Variants in CSMD1 observed in about 807,000 individuals in gnomAD.
The protein encoded by CSMD1 is CUB and sushi domain-containing protein 1.
CSMD1 carries 213 observed loss-of-function variants against 417.5 expected under a neutral mutation model. The observed-to-expected ratio is 0.51, with a 90% CI of 0.46 to 0.57. CSMD1 has a LOEUF of 0.57. Among genes scored for constraint, CSMD1 ranks in the 20% least tolerant of loss-of-function variants. The pLI is 0.00. For synonymous variants in CSMD1, 2,862 were observed against 1,736.8 expected (o/e 1.65, Z -16.11); for missense variants, 6,923 against 4,529.7 (o/e 1.53, Z -15.17).
At chr8:4,929,966 G>T (rs1339395209) in intron 1 of CSMD1, among the ~76,000 whole-genome samples, 1 of 152,196 alleles carries the variant, frequency 6.6e-6, no homozygotes, top group Non-Finnish European at 1.5e-5. Context: ...GTTTTCTGTT[G>T]TGAGATCAGG....
chr8:4,522,317 G>A (rs900306142), intron 2 of CSMD1, among the ~76,000 whole-genome samples: 2 of 152,142 alleles, frequency 1.3e-5, no homozygotes, highest in Non-Finnish European at 2.9e-5. Context: ...CCAGCCATGT[G>A]GAACTGTGAG....
In CSMD1 at chr8:2,987,802, G is replaced by A. The variant is rs184799955; in HGVS notation, c.8378-9002C>T. ...GGAGACTGGAGTCTCAGGGTCCCTGGGCTCACACCAACCTCCTGCTCTTGA... is the reference window on the plus strand; with the variant it reads ...GGAGACTGGAGTCTCAGGGTCCCTGAGCTCACACCAACCTCCTGCTCTTGA... On this transcript the variant is annotated intron_variant, in intron 54 of 69. Coordinates refer to ENST00000635120, the MANE Select transcript of CSMD1 (RefSeq NM_033225.6). Among the ~76,000 whole-genome samples, 175 of 152,246 alleles carry A rather than the reference G, an allele frequency of 1.1e-3. 1 individual carries two copies. The highest frequency in any genetic ancestry group is 4.1e-3 in the African/African-American group (169 of 41,534).
At chr8:4,695,448 T>C (rs1188370059) in intron 1 of CSMD1, among the ~76,000 whole-genome samples, 3 of 152,230 alleles carry the variant, frequency 2.0e-5, no homozygotes, top group Non-Finnish European at 2.9e-5. Context: ...TTTGTTAAGA[T>C]GTTATGTGGA....
intron 10 of CSMD1, among the ~76,000 whole-genome samples, chr8:3,501,423 G>T (rs1353811820): frequency 6.6e-6 from 1 of 152,164 alleles, no homozygotes; most frequent in Admixed American, 6.6e-5. Context: ...AACTGTGATG[G>T]CAGGCAAATG....
chr8:4,251,641 C>T (rs6984808), intron 3 of CSMD1, among the ~76,000 whole-genome samples: 58,080 of 151,974 alleles, frequency 0.38, 11,829 homozygotes, highest in Non-Finnish European at 0.46. Context: ...GCAGCTGAAT[C>T]ATGACACTTT....
chr8:3,649,764 A>G (rs1027549798), intron 7 of CSMD1, among the ~76,000 whole-genome samples: 3 of 152,164 alleles, frequency 2.0e-5, no homozygotes, highest in African/African-American at 7.2e-5. Context: ...AACATCATCC[A>G]TAATATTAAA....
Position 3,325,785 on chromosome 8 carries a change from C to G in CSMD1, c.3632-17282G>C, listed in dbSNP as rs370795831. Among the ~76,000 whole-genome samples, 84 of 152,298 alleles carry G rather than the reference C, an allele frequency of 5.5e-4. No individual in the cohort carries two copies. The South Asian group carries it at 0.011, about 19-fold the overall frequency. ...GTTGCAGTGAGCCGAGACTGTACCA[C>G]TGCACTCCAGCCTGGGCGACAGAGT... is the stretch of plus-strand genomic sequence containing the variant. On this transcript the variant is annotated intron_variant, in intron 23 of 69. Coordinates refer to ENST00000635120, the MANE Select transcript of CSMD1 (RefSeq NM_033225.6).
chr8:4,030,245 C>A (rs929220832), intron 4 of CSMD1, among the ~76,000 whole-genome samples: 5 of 152,180 alleles, frequency 3.3e-5, no homozygotes, highest in Non-Finnish European at 7.3e-5. Flanking sequence ...AGCTCTGACC[C>A]CACATTTCCC....
chr8:2,950,431 G>C, intron 66 of CSMD1, 88 bp from the exon 67 acceptor site: 1 of 771,212 alleles, frequency 1.3e-6, no homozygotes, highest in Non-Finnish European at 2.3e-6. Context: ...GTGGTACGGA[G>C]ATGATAATAT....
intron 6 of CSMD1, among the ~76,000 whole-genome samples, chr8:3,736,299 T>G (rs1796517603): frequency 6.6e-6 from 1 of 151,992 alleles, no homozygotes; most frequent in Non-Finnish European, 1.5e-5. Flanking sequence ...TAGAGTGCAG[T>G]GGGGCAATCA....
At chr8:4,967,191 C>T (rs1489793336) in intron 1 of CSMD1, among the ~76,000 whole-genome samples, 1 of 152,130 alleles carries the variant, frequency 6.6e-6, no homozygotes, top group Non-Finnish European at 1.5e-5. Context: ...GCTGTTACTT[C>T]TCATTTGTTT....
chr8:4,377,862 G>T (rs926647048), intron 3 of CSMD1, among the ~76,000 whole-genome samples: 3 of 152,160 alleles, frequency 2.0e-5, no homozygotes, highest in Non-Finnish European at 2.9e-5. Context: ...CTGTAACTGT[G>T]ATTACTGCCG....
intron 7 of CSMD1, among the ~76,000 whole-genome samples, chr8:3,670,441 T>C (rs1798929409): frequency 6.7e-6 from 1 of 149,844 alleles, no homozygotes; most frequent in Non-Finnish European, 1.5e-5. Flanking sequence ...CTCCCCTTTA[T>C]ATATATATAA....
intron 3 of CSMD1, among the ~76,000 whole-genome samples, chr8:4,148,731 C>G (rs1052452107): frequency 5.9e-5 from 9 of 152,086 alleles, no homozygotes; most frequent in African/African-American, 2.2e-4. Context: ...CTCATCACCT[C>G]CTTGCCTCCT....
intron 1 of CSMD1, among the ~76,000 whole-genome samples, chr8:4,988,488 G>T (rs1316056090): frequency 6.6e-6 from 1 of 152,120 alleles, no homozygotes; most frequent in African/African-American, 2.4e-5. Context: ...ATTCCCCAAA[G>T]AAATTTTAGA....
intron 5 of CSMD1, among the ~76,000 whole-genome samples, chr8:3,983,910 C>G (rs772765310): frequency 5.3e-5 from 8 of 151,818 alleles, no homozygotes; most frequent in African/African-American, 1.5e-4. Flanking sequence ...CTAGAGCACA[C>G]CGCACATCTG....
At chr8:4,944,317 C>A (rs1343406900) in intron 1 of CSMD1, among the ~76,000 whole-genome samples, 1 of 152,082 alleles carries the variant, frequency 6.6e-6, no homozygotes, top group Admixed American at 6.5e-5. Flanking sequence ...ACAGAGCAGA[C>A]CAAGAGAAGA....
intron 1 of CSMD1, among the ~76,000 whole-genome samples, chr8:4,982,807 C>G (rs1186165079): frequency 6.6e-6 from 1 of 152,212 alleles, no homozygotes. Flanking sequence ...GTAGACGCCT[C>G]AGCTTTTCAA....
intron 1 of CSMD1, among the ~76,000 whole-genome samples, chr8:4,839,561 G>A (rs1046600325): frequency 6.6e-6 from 1 of 152,128 alleles, no homozygotes; most frequent in Non-Finnish European, 1.5e-5. Flanking sequence ...CCACTAAAAT[G>A]AACAACGATC....
Sources: gnomAD v4.1 joint callset for allele counts (sites outside exome capture counted in the v4.1 genomes callset) on GRCh38, gnomAD v4.1.1 for gene constraint, MANE v1.5 for transcripts, NCBI Gene and HGNC (gene_info 2026-07-23, HGNC 2026-07-21) for gene names.